LRTM1: variants seen among roughly 807,000 people sequenced by gnomAD.
The protein encoded by LRTM1 is leucine rich repeat transmembrane protein 1.
In LRTM1, 38 loss-of-function variants were observed where a neutral mutation model predicts 32.4. The ratio of observed to expected loss-of-function variants is 1.17; its 90% CI spans 0.91 to 1.54. LRTM1 has a LOEUF of 1.54. Among genes scored for constraint, LRTM1 ranks in the 40% most tolerant of loss-of-function variants. LRTM1 has a pLI of 0.00. For missense variants in LRTM1, 466 were observed against 415.4 expected (o/e 1.12, Z -1.06); for synonymous variants, 186 against 169.9 (o/e 1.09, Z -0.74).
intron 1 of LRTM1, among the ~76,000 whole-genome samples, chr3:54,960,188 A>G (rs1437921765): frequency 6.6e-6 from 1 of 152,114 alleles, no homozygotes; most frequent in Admixed American, 6.5e-5. Context: ...AGGGATGGTT[A>G]CAGATTAAAA....
intron 1 of LRTM1, among the ~76,000 whole-genome samples, chr3:54,965,887 C>G (rs1354263266): frequency 2.6e-5 from 4 of 152,076 alleles, no homozygotes; most frequent in African/African-American, 9.7e-5. Context: ...AGTTCTAGTT[C>G]AGGGCATCAG....
intron 1 of LRTM1, among the ~76,000 whole-genome samples, chr3:54,938,722 T>TAAA: frequency 6.6e-6 from 1 of 152,258 alleles, no homozygotes; most frequent in Non-Finnish European, 1.5e-5. Context: ...TTTTTATTTT[T>TAAA]AAAAACGTCT....
chr3:54,947,808 T>C (rs1440417296), intron 1 of LRTM1, among the ~76,000 whole-genome samples: 1 of 152,176 alleles, frequency 6.6e-6, no homozygotes, highest in African/African-American at 2.4e-5. Context: ...ATTGCAATGT[T>C]TGGGGATGTG....
intron 2 of LRTM1, among the ~76,000 whole-genome samples, chr3:54,920,652 T>A (rs1467303439): frequency 6.6e-6 from 1 of 152,080 alleles, no homozygotes; most frequent in East Asian, 1.9e-4. Flanking sequence ...TGCCAGGAAG[T>A]TGGTTGCAAG....
intron 1 of LRTM1, among the ~76,000 whole-genome samples, chr3:54,955,015 A>G (rs569592306): frequency 2.0e-5 from 3 of 152,166 alleles, no homozygotes; most frequent in Non-Finnish European, 4.4e-5. Flanking sequence ...TGTAGAGAAA[A>G]CTTCCCCTTC....
chr3:54,936,872 T>A (rs1237752938), intron 1 of LRTM1, among the ~76,000 whole-genome samples: 2 of 152,188 alleles, frequency 1.3e-5, no homozygotes, highest in African/African-American at 2.4e-5. Context: ...ACATTTCATT[T>A]GTGATTCTAA....
At chr3:54,929,943 A>G (rs1462454017), upstream of LRTM1, among the ~76,000 whole-genome samples, 3 of 152,156 alleles carry the variant, frequency 2.0e-5, no homozygotes, top group Non-Finnish European at 4.4e-5. Context: ...AATAACTCAT[A>G]TCTACCTGTG....
chr3:54,943,662 C>T (rs1701535229), intron 1 of LRTM1, among the ~76,000 whole-genome samples: 1 of 150,994 alleles, frequency 6.6e-6, no homozygotes, highest in South Asian at 2.1e-4. Context: ...CCATGTGTTT[C>T]ATCAGATGTC....
intron 1 of LRTM1, among the ~76,000 whole-genome samples, chr3:54,926,351 A>G (rs572433945): frequency 2.6e-5 from 4 of 152,228 alleles, no homozygotes; most frequent in East Asian, 3.9e-4. Context: ...CACTTGCCCA[A>G]GTTCACACAG....
intron 1 of LRTM1, among the ~76,000 whole-genome samples, chr3:54,934,857 G>A (rs914770802): frequency 2.0e-5 from 3 of 151,976 alleles, no homozygotes; most frequent in Non-Finnish European, 4.4e-5. Context: ...TCAGCCTCCC[G>A]AGTAGCTGGG....
At chr3:54,932,411 C>T (rs943571930), upstream of LRTM1, among the ~76,000 whole-genome samples, 4 of 152,058 alleles carry the variant, frequency 2.6e-5, no homozygotes, top group African/African-American at 7.2e-5. Flanking sequence ...ACTGATAATG[C>T]TGATTACTTG....
At chr3:54,936,163 CA>C (rs539489771) in intron 1 of LRTM1, among the ~76,000 whole-genome samples, 4,974 of 127,352 alleles carry the variant, frequency 0.039, 222 homozygotes, top group African/African-American at 0.11. Flanking sequence ...AGAATCATAG[CA>C]AAAAAAAAAA....
At chr3:54,962,656 C>T (rs534691438) in intron 1 of LRTM1, among the ~76,000 whole-genome samples, 34 of 152,284 alleles carry the variant, frequency 2.2e-4, no homozygotes, top group African/African-American at 3.4e-4. Context: ...GGTCTTAAAA[C>T]GGGTTTGCAA....
chr3:54,919,659 A>C (rs957408689), intron 2 of LRTM1, among the ~76,000 whole-genome samples: 6 of 152,184 alleles, frequency 3.9e-5, no homozygotes, highest in African/African-American at 1.4e-4. Context: ...TAGCAGACTG[A>C]AGTCTAGTCT....
chr3:54,921,907 T>G lies in LRTM1; in HGVS notation c.604+2712A>C, dbSNP rs147664057. ...TACCTGTAGTGTTTGCATTTGTTTA[T>G]ATATCTTTTTTTAAAAGAAGATCTT... is the stretch of plus-strand genomic sequence containing the variant. On this transcript the variant is annotated intron_variant, in intron 2 of 2. Transcript: ENST00000273286. Among the ~76,000 whole-genome samples, 543 of 149,102 alleles carry G rather than the reference T, an allele frequency of 3.6e-3. 2 individuals carry two copies. Among genetic ancestry groups the G allele is most frequent in the Admixed American group, 5.3e-3 (80 of 14,972 alleles).
rs765179787 is a variant in LRTM1 at position 54,953,301 on chromosome 3, C to T, written c.-222+13627G>A. Among the ~76,000 whole-genome samples, 74 of 152,176 alleles carry T rather than the reference C, an allele frequency of 4.9e-4. 1 individual carries two copies. Among genetic ancestry groups the T allele is most frequent in the Admixed American group, 2.0e-4 (3 of 15,266 alleles). ...TGTACATGAAACAGGCAGGACTCAG[C>T]CCTAAGTTTGTCTGAAATTTTCAAA... is the stretch of plus-strand genomic sequence containing the variant. On this transcript the variant is annotated intron_variant, in intron 1 of 2. Transcript: ENST00000493075.
chr3:54,921,944 G>C (rs1482477788), intron 2 of LRTM1, among the ~76,000 whole-genome samples: 1 of 148,828 alleles, frequency 6.7e-6, no homozygotes, highest in Non-Finnish European at 1.5e-5. Context: ...ACTCATATCT[G>C]TTCCCTTATT....
intron 1 of LRTM1, among the ~76,000 whole-genome samples, chr3:54,959,706 T>C (rs376637397): frequency 6.6e-6 from 1 of 152,234 alleles, no homozygotes; most frequent in Non-Finnish European, 1.5e-5. Context: ...GCCCGAGGCT[T>C]AAATGTTTTC....
chr3:54,932,055 G>A (rs577863077), upstream of LRTM1, among the ~76,000 whole-genome samples: 38 of 152,084 alleles, frequency 2.5e-4, no homozygotes, highest in African/African-American at 7.2e-4. Flanking sequence ...GGTGGTGAGC[G>A]CCTATAGTCT....
Sources: gnomAD v4.1 joint callset for allele counts (sites outside exome capture counted in the v4.1 genomes callset) on GRCh38, gnomAD v4.1.1 for gene constraint, MANE v1.5 for transcripts, NCBI Gene and HGNC (gene_info 2026-07-23, HGNC 2026-07-21) for gene names.